Variants in TRMT61B observed in about 807,000 individuals in gnomAD.
TRMT61B encodes the protein tRNA (adenine(58)-N(1))-methyltransferase, mitochondrial.
A neutral mutation model predicts 52.0 loss-of-function variants in TRMT61B; 56 were observed. The observed-to-expected ratio is 1.08, with a 90% CI of 0.87 to 1.35. The LOEUF is 1.35. Among genes scored for constraint, TRMT61B ranks in the 40% most tolerant of loss-of-function variants. TRMT61B has a pLI of 0.00. For synonymous variants in TRMT61B, 206 were observed against 220.0 expected (o/e 0.94, Z 0.56); for missense variants, 650 against 577.9 (o/e 1.12, Z -1.28).
At chr2:28,851,363 C>T (rs1344759324) in intron 4 of TRMT61B, 65 bp from the exon 5 acceptor site, 1 of 1,127,302 alleles carries the variant, frequency 8.9e-7, no homozygotes, top group Admixed American at 2.7e-5. Flanking sequence ...TTTAAGTTCC[C>T]TATACCTCTT....
At chr2:28,864,605 G>C (rs1669749055) in intron 2 of TRMT61B, among the ~76,000 whole-genome samples, 1 of 152,072 alleles carries the variant, frequency 6.6e-6, no homozygotes. Context: ...ATAAGGACTG[G>C]GAGGGGACAT....
At chr2:28,865,164 G>C (rs1669783380) in intron 1 of TRMT61B, 45 bp from the exon 2 acceptor site, 1 of 1,093,762 alleles carries the variant, frequency 9.1e-7, no homozygotes, top group African/African-American at 1.5e-5. Context: ...CAATAAATAT[G>C]TACTAAGCAC....
Position 28,862,333 on chromosome 2 carries a change from GTTT to G in TRMT61B, c.803-1028_803-1026del, listed in dbSNP as rs369559361. On this transcript the variant is annotated intron_variant, in intron 2 of 6. Transcript: ENST00000306108. ...TTTTTAATGTAGATTTTTGAGTTTG[GTTT>G]TTTTTTTTTTTTTTGAGACAAGATC... Among the ~76,000 whole-genome samples, 5 of 126,882 alleles carry G rather than the reference GTTT, an allele frequency of 3.9e-5. No individual in the cohort carries two copies. The East Asian group carries it at 7.3e-4, about 19-fold the overall frequency. 83.2% of individuals were successfully genotyped at this position (126,882 alleles called of 152,430 possible). A position where few individuals can be genotyped will look rare whatever the true frequency, so the allele number is the denominator to read the frequency against.
Position 28,851,152 on chromosome 2 carries a change from G to C in TRMT61B, c.1232C>G (p.Ser411Cys), listed in dbSNP as rs1669078285. Reference protein sequence around the residue: ...KNGILAQKVESKINTDVQLDS... With the variant: ...KNGILAQKVECKINTDVQLDS... ...TAGTTGTACATCTGTGTTGATTTTA[G>C]ATTCTACTTTTTGAGCTAAAATTCC... Residue 411 changes from serine to cysteine, a missense_variant, in exon 5 of 7, where the codon TCT (serine) becomes TGT (cysteine). Coordinates refer to ENST00000306108, the MANE Select transcript of TRMT61B (RefSeq NM_017910.4). 7 of 1,613,438 alleles carry C rather than the reference G, an allele frequency of 4.3e-6. No individual in the cohort carries two copies. In the East Asian group the frequency reaches 8.9e-5, roughly 21 times the overall value.
At position 28,860,272 on chromosome 2, in the gene TRMT61B, CAAAAAAAAAAAAAAAAAA is replaced by C. The variant is rs540569211; in HGVS notation, c.993+828_993+845del. 3.6e-3 allele frequency among the ~76,000 whole-genome samples: 88 copies of C among 24,500 alleles called. 1 individual carries two copies. The highest frequency in any genetic ancestry group is 6.0e-3 in the Non-Finnish European group (74 of 12,372). 16.1% of individuals were successfully genotyped at this position (24,500 alleles called of 152,430 possible). A position where few individuals can be genotyped will look rare whatever the true frequency, so the allele number is the denominator to read the frequency against. ...AAGCAACAGAATGAGACTCTGTTGC[CAAAAAAAAAAAAAAAAAA>C]AAAAAAAAAAAAAAAAGATTTTCTC... On this transcript the variant is annotated intron_variant, in intron 3 of 6. Coordinates refer to ENST00000306108, the MANE Select transcript of TRMT61B (RefSeq NM_017910.4).
chr2:28,851,049 C>A lies in TRMT61B; in HGVS notation c.1312+23G>T, dbSNP rs1309627048. The A allele has an allele frequency of 2.0e-6, 3 of 1,506,580 alleles. 1 individual carries two copies. Among genetic ancestry groups the A allele is most frequent in the South Asian group, 2.4e-5 (2 of 82,990 alleles). 93.3% of individuals were successfully genotyped at this position (1,506,580 alleles called of 1,614,324 possible). On this transcript the variant is annotated intron_variant, in intron 5 of 6. Coordinates refer to ENST00000306108, the MANE Select transcript of TRMT61B (RefSeq NM_017910.4). Reference sequence around the variant, plus strand: ...CTCATTCTCCATTCATTACTGCATGCATAAAGTAAAACTGAAGCTCACCAT... The same window carrying A: ...CTCATTCTCCATTCATTACTGCATGAATAAAGTAAAACTGAAGCTCACCAT...
intron 5 of TRMT61B, 25 bp downstream of exon 5, chr2:28,851,047 T>C: frequency 6.7e-7 from 1 of 1,484,104 alleles, no homozygotes; most frequent in Non-Finnish European, 9.2e-7. Context: ...CATTACTGCA[T>C]GCATAAAGTA....
chr2:28,863,337 G>A (rs1001915421), intron 2 of TRMT61B, among the ~76,000 whole-genome samples: 14 of 150,696 alleles, frequency 9.3e-5, no homozygotes, highest in Non-Finnish European at 1.5e-4. Context: ...AGGCTGGGAC[G>A]ACAGGATCAC....
intron 3 of TRMT61B, among the ~76,000 whole-genome samples, chr2:28,857,968 T>A (rs1014678281): frequency 6.6e-6 from 1 of 152,198 alleles, no homozygotes; most frequent in African/African-American, 2.4e-5. Context: ...GTAGCTAGAG[T>A]ACATTTATTG....
chr2:28,857,524 A>G (rs2148130472), intron 3 of TRMT61B, among the ~76,000 whole-genome samples: 1 of 152,344 alleles, frequency 6.6e-6, no homozygotes, highest in Admixed American at 6.5e-5. Context: ...CAAAATGATG[A>G]AAAACATAAC....
chr2:28,854,761 A>C (rs1183960659), intron 3 of TRMT61B, among the ~76,000 whole-genome samples: 19 of 127,098 alleles, frequency 1.5e-4, no homozygotes, highest in Admixed American at 6.2e-4. Context: ...AAAAAAAAAA[A>C]AAAAAAAAAA....
At chr2:28,866,886 T>C (rs955353075) in intron 1 of TRMT61B, among the ~76,000 whole-genome samples, 3 of 151,916 alleles carry the variant, frequency 2.0e-5, no homozygotes, top group Non-Finnish European at 2.9e-5. Context: ...GCCTCGAACT[T>C]CTGGGCTCAA....
intron 1 of TRMT61B, among the ~76,000 whole-genome samples, chr2:28,868,957 T>TCC: frequency 6.6e-6 from 1 of 152,010 alleles, no homozygotes; most frequent in Non-Finnish European, 1.5e-5. Flanking sequence ...GGAGCCAAGA[T>TCC]CGCAACACTG....
intron 2 of TRMT61B, among the ~76,000 whole-genome samples, chr2:28,861,648 C>T (rs1193530429): frequency 6.6e-6 from 1 of 152,194 alleles, no homozygotes; most frequent in African/African-American, 2.4e-5. Flanking sequence ...AGATGTACTG[C>T]ATTCTTTTTT....
At chr2:28,850,949 G>A (rs1248721062) in intron 5 of TRMT61B, 123 bp downstream of exon 5, 2 of 639,818 alleles carry the variant, frequency 3.1e-6, no homozygotes, top group African/African-American at 1.9e-5. Context: ...CATCTTAACA[G>A]AATAAATATC....
chr2:28,870,299 C>A lies in TRMT61B; in HGVS notation c.-22G>T. 6.6e-7 allele frequency: 1 copy of A among 1,517,894 alleles called. No individual in the cohort carries two copies. 94.0% of individuals were successfully genotyped at this position (1,517,894 alleles called of 1,614,324 possible). A position where few individuals can be genotyped will look rare whatever the true frequency, so the allele number is the denominator to read the frequency against. On this transcript the variant is annotated 5_prime_UTR_variant, in exon 1 of 7. Transcript: ENST00000306108. ...GCATAGTGTTTCGCGAAGGCGCCGT[C>A]GCAGACGAGTGACGCAAGCCTAGCG...
At chr2:28,854,756 AAAAAAAAAAAAAAAAC>A (rs1332524542) in intron 3 of TRMT61B, among the ~76,000 whole-genome samples, 1 of 69,194 alleles carries the variant, frequency 1.4e-5, no homozygotes, top group Non-Finnish European at 4.3e-5. Flanking sequence ...AAAAAAAAAA[AAAAAAAAAAAAAAAAC>A]TGCCAGGCGT....
intron 3 of TRMT61B, 151 bp downstream of exon 3, chr2:28,860,967 G>A: frequency 1.6e-6 from 1 of 636,298 alleles, no homozygotes; most frequent in Non-Finnish European, 2.5e-6. Context: ...CCCACCATGA[G>A]ATTAAAAGGC....
rs200840184 is a variant in TRMT61B, at chr2:28,861,208, A to T, written c.903T>A (p.Ser301Arg). 194 of 1,613,778 alleles carry T rather than the reference A, an allele frequency of 1.2e-4. 1 individual carries two copies. Among genetic ancestry groups the T allele is most frequent in the Admixed American group, 8.3e-4 (50 of 59,946 alleles). Residue 301 changes from serine (S) to arginine (R), a missense_variant, in exon 3 of 7, where the codon AGT becomes AGA. Transcript: ENST00000306108. The stretch of plus-strand genomic sequence containing the variant: ...CATTGTCTGGCCACTCTTCTACATG[A>T]CTTAATTTCCATGAATCACGCCAGT... ...YKHWRDSWKL[S>R]HVEEWPDNVD...
Sources: gnomAD v4.1 joint callset for allele counts (sites outside exome capture counted in the v4.1 genomes callset) on GRCh38, gnomAD v4.1.1 for gene constraint, MANE v1.5 for transcripts, NCBI Gene and HGNC (gene_info 2026-07-23, HGNC 2026-07-21) for gene names.